FAM168A: variants seen among roughly 807,000 people sequenced by gnomAD.
FAM168A encodes the protein protein FAM168A.
Under a neutral mutation model 28.5 loss-of-function variants are expected in FAM168A, and 3 were observed. The ratio of observed to expected loss-of-function variants is 0.11; its 90% CI spans 0.05 to 0.27. FAM168A has a LOEUF of 0.27. Ranked by LOEUF, FAM168A falls within the 10% of genes least tolerant of loss-of-function variation. The pLI is 1.00. For synonymous variants in FAM168A, 122 were observed against 124.2 expected, an observed-to-expected ratio of 0.98 and a Z score of 0.12; for missense variants, 222 against 311.5, an observed-to-expected ratio of 0.71 and a Z score of 2.16.
At chr11:73,521,837 T>G (rs1047639830) in intron 1 of FAM168A, among the ~76,000 whole-genome samples, 1 of 152,106 alleles carries the variant, frequency 6.6e-6, no homozygotes, top group Non-Finnish European at 1.5e-5. Context: ...ACAATGGGAC[T>G]CCTCACTGAG....
chr11:73,419,724 G>A (rs1402491076), intron 4 of FAM168A, 150 bp downstream of exon 4: 1 of 812,224 alleles, frequency 1.2e-6, no homozygotes, highest in African/African-American at 1.7e-5. Flanking sequence ...TCCTGAATAA[G>A]GAGGGGTAAT....
At position 73,474,272 on chromosome 11, in the gene FAM168A, T is replaced by C. The variant is rs552924565; in HGVS notation, c.-18-5780A>G. 1.6e-4 allele frequency among the ~76,000 whole-genome samples: 25 copies of C among 152,252 alleles called. No individual in the cohort carries two copies. The South Asian group carries it at 5.0e-3, about 30-fold the overall frequency. On this transcript the variant is annotated intron_variant, in intron 1 of 7. Transcript: ENST00000356467. ...ATCTGGCAAGGGCCTTCTTGCTATATCATCCCATGGAAGGGCAAGAGAGAG... is the reference window on the plus strand; with the variant it reads ...ATCTGGCAAGGGCCTTCTTGCTATACCATCCCATGGAAGGGCAAGAGAGAG...
In FAM168A at chr11:73,517,564, C is replaced by T. The variant is rs984336957; in HGVS notation, c.-18-49072G>A. Among the ~76,000 whole-genome samples, 6 of 152,048 alleles carry T rather than the reference C, an allele frequency of 3.9e-5. No homozygotes were observed. The South Asian group carries it at 6.3e-4, about 16-fold the overall frequency. On this transcript the variant is annotated intron_variant, in intron 1 of 7. Coordinates refer to ENST00000356467, the MANE Select transcript of FAM168A (RefSeq NM_015159.3). ...GGGGCGGGGGGTGGTTAATACATGACGTGGTGGATTGTGATTGTCCATTAG... is the reference window on the plus strand; with the variant it reads ...GGGGCGGGGGGTGGTTAATACATGATGTGGTGGATTGTGATTGTCCATTAG...
At chr11:73,445,716 T>C (rs1398786064) in intron 2 of FAM168A, among the ~76,000 whole-genome samples, 2 of 152,104 alleles carry the variant, frequency 1.3e-5, no homozygotes, top group East Asian at 1.9e-4. Context: ...AAATGGAACA[T>C]GTCTTAGGTC....
intron 5 of FAM168A, among the ~76,000 whole-genome samples, chr11:73,410,242 C>T (rs1296180065): frequency 6.6e-6 from 1 of 152,016 alleles, no homozygotes; most frequent in African/African-American, 2.4e-5. Context: ...CCCATCTCTA[C>T]TAAAAATACA....
intron 1 of FAM168A, among the ~76,000 whole-genome samples, chr11:73,536,469 C>T (rs1196451168): frequency 6.6e-6 from 1 of 152,122 alleles, no homozygotes; most frequent in African/African-American, 2.4e-5. Flanking sequence ...GGGCAGATCA[C>T]GTAAGGTCAG....
At position 73,585,712 on chromosome 11, in the gene FAM168A, A is replaced by G. The variant is rs1944304938; in HGVS notation, c.-19+12211T>C. Among the ~76,000 whole-genome samples, 3 of 152,050 alleles carry G rather than the reference A, an allele frequency of 2.0e-5. No individual in the cohort carries two copies. The South Asian group carries it at 6.2e-4, about 32-fold the overall frequency. The stretch of plus-strand genomic sequence containing the variant: ...GTGAAACCCCACCACTACCAAAAAT[A>G]CAAAAATTACCTGAGCATGGTGGCA... On this transcript the variant is annotated intron_variant, in intron 1 of 7. Coordinates refer to ENST00000356467, the MANE Select transcript of FAM168A (RefSeq NM_015159.3).
chr11:73,454,637 CT>C (rs1867494685), intron 2 of FAM168A, among the ~76,000 whole-genome samples: 1 of 152,218 alleles, frequency 6.6e-6, no homozygotes, highest in African/African-American at 2.4e-5. Context: ...CAAATGTTGC[CT>C]TTTCCTAAAC....
In FAM168A at chr11:73,517,511, T is replaced by C. The variant is rs112645576; in HGVS notation, c.-18-49019A>G. 7.1e-3 allele frequency among the ~76,000 whole-genome samples: 1,088 copies of C among 152,310 alleles called. 14 individuals carry two copies. Among genetic ancestry groups the C allele is most frequent in the African/African-American group, 0.023 (952 of 41,568 alleles). On this transcript the variant is annotated intron_variant, in intron 1 of 7. Transcript: ENST00000356467. Reference sequence around the variant, plus strand: ...TCCAACAGAAAAAGATTCTATATTATTAACAGTGAAAGGGTACTGTTTCGG... The same window carrying C: ...TCCAACAGAAAAAGATTCTATATTACTAACAGTGAAAGGGTACTGTTTCGG...
intron 1 of FAM168A, among the ~76,000 whole-genome samples, chr11:73,484,648 C>CTA (rs1868024366): frequency 7.0e-6 from 1 of 142,376 alleles, no homozygotes; most frequent in East Asian, 2.0e-4. Flanking sequence ...CGATATCTAT[C>CTA]TATCTATATA....
chr11:73,424,443 GT>G, intron 3 of FAM168A, among the ~76,000 whole-genome samples: 1 of 152,170 alleles, frequency 6.6e-6, no homozygotes, highest in East Asian at 1.9e-4. Flanking sequence ...TGGGCCTGGA[GT>G]CCACACTGTC....
At chr11:73,512,247 C>T (rs946845070) in intron 1 of FAM168A, among the ~76,000 whole-genome samples, 8 of 152,202 alleles carry the variant, frequency 5.3e-5, no homozygotes, top group Admixed American at 3.3e-4. Flanking sequence ...TCCGTGCTCC[C>T]ATATCACGCT....
intron 1 of FAM168A, among the ~76,000 whole-genome samples, chr11:73,556,757 A>C (rs1990688190): frequency 6.6e-6 from 1 of 152,204 alleles, no homozygotes; most frequent in Non-Finnish European, 1.5e-5. Context: ...GCAGTGGCTC[A>C]CGTTGGTAAT....
chr11:73,403,465 G>A lies in FAM168A; in HGVS notation c.*3298C>T, dbSNP rs1041791094. 6.6e-6 allele frequency: 1 copy of A among 152,176 alleles called. No individual in the cohort carries two copies. The highest frequency in any genetic ancestry group is 1.5e-5 in the Non-Finnish European group (1 of 68,094). The allele number at this position is 152,176 out of a possible 1,614,324, so 9.4% of individuals were successfully genotyped here. ...AGGCAGTGGCATGAGGAGGAGAGAGGGGTTTGCATCCTGGGGCCAGTGCTG... is the reference window on the plus strand; with the variant it reads ...AGGCAGTGGCATGAGGAGGAGAGAGAGGTTTGCATCCTGGGGCCAGTGCTG... On this transcript the variant is annotated 3_prime_UTR_variant, in exon 8 of 8. Transcript: ENST00000356467.
intron 1 of FAM168A, among the ~76,000 whole-genome samples, chr11:73,544,832 TATA>T (rs1410845430): frequency 2.1e-5 from 2 of 93,780 alleles, no homozygotes; most frequent in African/African-American, 1.2e-4. Flanking sequence ...ATTTATTATA[TATA>T]ATATATATTA....
chr11:73,511,327 C>T (rs1855221993), intron 1 of FAM168A, among the ~76,000 whole-genome samples: 1 of 151,990 alleles, frequency 6.6e-6, no homozygotes, highest in African/African-American at 2.4e-5. Context: ...AGCTCTGCCT[C>T]CTGGGTTCCC....
At chr11:73,439,001 AC>A (rs1162511648) in intron 2 of FAM168A, among the ~76,000 whole-genome samples, 1 of 148,796 alleles carries the variant, frequency 6.7e-6, no homozygotes, top group Admixed American at 6.7e-5. Flanking sequence ...AAATAAATAG[AC>A]CCTTGAATCT....
intron 1 of FAM168A, among the ~76,000 whole-genome samples, chr11:73,496,909 A>ACACACACACACACACACACG (rs1565271121): frequency 2.0e-5 from 3 of 147,308 alleles, no homozygotes; most frequent in African/African-American, 7.5e-5. Context: ...ACACACACGC[A>ACACACACACACACACACACG]CACACACGCA....
chr11:73,585,767 C>T (rs905720431), intron 1 of FAM168A, among the ~76,000 whole-genome samples: 32 of 150,178 alleles, frequency 2.1e-4, no homozygotes, highest in Admixed American at 1.5e-3. Flanking sequence ...ACTCAGGAGG[C>T]TGAGCCAGGA....
Sources: gnomAD v4.1 joint callset for allele counts (sites outside exome capture counted in the v4.1 genomes callset) on GRCh38, gnomAD v4.1.1 for gene constraint, MANE v1.5 for transcripts, NCBI Gene and HGNC (gene_info 2026-07-23, HGNC 2026-07-21) for gene names.